Variants in CLEC17A observed in about 807,000 individuals in gnomAD.
CLEC17A encodes C-type lectin domain family 17, member A.
CLEC17A carries 37 observed loss-of-function variants against 61.3 expected under a neutral mutation model. That is an observed-to-expected ratio of 0.60 (90% confidence interval 0.46 to 0.79). The LOEUF is 0.79. Among genes scored for constraint, CLEC17A ranks in the 30% least tolerant of loss-of-function variants. CLEC17A has a pLI of 0.00. For synonymous variants in CLEC17A, 168 were observed against 164.9 expected, an observed-to-expected ratio of 1.02 and a Z score of -0.14; for missense variants, 418 against 464.7, an observed-to-expected ratio of 0.90 and a Z score of 0.92.
intron 2 of CLEC17A, among the ~76,000 whole-genome samples, chr19:14,586,418 C>T (rs2074282177): frequency 6.6e-6 from 1 of 151,960 alleles, no homozygotes; most frequent in African/African-American, 2.4e-5. Context: ...GCCACCACGC[C>T]CAGCCTCTTT....
Position 14,596,969 on chromosome 19 carries a change from C to G in CLEC17A, c.539C>G (p.Ser180Cys). 6.2e-7 allele frequency: 1 copy of G among 1,608,846 alleles called. No individual in the cohort carries two copies. Among genetic ancestry groups the G allele is most frequent in the Non-Finnish European group, 8.5e-7 (1 of 1,177,672 alleles). The part of the protein sequence containing the change: ...MVYLCLLVVT[S>C]LFLGCLGLTV... ...TACCTGTGTCTGCTGGTGGTGACTTCCCTGTTCCTGGGCTGCCTTGGTCTC... is the reference window on the plus strand; with the variant it reads ...TACCTGTGTCTGCTGGTGGTGACTTGCCTGTTCCTGGGCTGCCTTGGTCTC... Residue 180 changes from serine (S) to cysteine (C), a missense_variant, in exon 9 of 14, where the codon TCC becomes TGC. By Grantham distance (112) the Ser-to-Cys change is moderately radical (BLOSUM62 -1). Transcript: ENST00000417570.
At chr19:14,588,432 G>A (rs1414946721) in intron 3 of CLEC17A, 1 of 152,144 alleles carries the variant, frequency 6.6e-6, no homozygotes, top group Non-Finnish European at 1.5e-5. Context: ...GAGCCCAGGA[G>A]TTCTGGGCTA....
Position 14,595,357 on chromosome 19 carries a change from T to C in CLEC17A, c.445+42T>C, listed in dbSNP as rs757622062. On this transcript the variant is annotated intron_variant, in intron 8 of 13. Transcript: ENST00000417570. ...TTCCCCTCTGACAGTGGCTAGTGTA[T>C]CTGATTGAGACCTATGGCTCTACAG... is the stretch of plus-strand genomic sequence containing the variant. 4 of 1,607,678 alleles carry C rather than the reference T, an allele frequency of 2.5e-6. No individual in the cohort carries two copies. In the South Asian group the frequency reaches 3.3e-5, roughly 13 times the overall value.
chr19:14,587,582 G>C, intron 2 of CLEC17A, 32 bp from the exon 3 acceptor site: 2 of 1,552,198 alleles, frequency 1.3e-6, no homozygotes, highest in Non-Finnish European at 1.7e-6. Context: ...AGGAGGGAAT[G>C]GCTGGGCTCT....
intron 12 of CLEC17A, among the ~76,000 whole-genome samples, chr19:14,605,960 G>A (rs1247464693): frequency 6.6e-6 from 1 of 151,980 alleles, no homozygotes; most frequent in Non-Finnish European, 1.5e-5. Flanking sequence ...GACTAATCTC[G>A]AACTCCTAGT....
rs1296558958 is a variant in CLEC17A, at chr19:14,595,434, C to T, written c.445+119C>T. The T allele has an allele frequency of 6.5e-6, 7 of 1,078,082 alleles. No homozygotes were observed. The African/African-American group carries it at 7.8e-5, about 12-fold the overall frequency. 66.8% of individuals were successfully genotyped at this position (1,078,082 alleles called of 1,614,324 possible). A position where few individuals can be genotyped will look rare whatever the true frequency, so the allele number is the denominator to read the frequency against. On this transcript the variant is annotated intron_variant, in intron 8 of 13. Coordinates refer to ENST00000417570, the MANE Select transcript of CLEC17A (RefSeq NM_001204118.2). ...CCTTTAAGAAGCTGCTCCTTCAGGA[C>T]CTGCTGCACTGTTCTGAGTTAGTCT...
chr19:14,592,786 TC>T (rs1417302125), intron 4 of CLEC17A, among the ~76,000 whole-genome samples: 1 of 152,096 alleles, frequency 6.6e-6, no homozygotes, highest in African/African-American at 2.4e-5. Context: ...TGCCTCAGCC[TC>T]CCGATTAGCT....
chr19:14,602,577 G>A (rs948130469), intron 12 of CLEC17A, among the ~76,000 whole-genome samples: 28 of 151,984 alleles, frequency 1.8e-4, no homozygotes, highest in Non-Finnish European at 5.9e-5. Context: ...ACAGGCATGA[G>A]CCACTGTACC....
intron 12 of CLEC17A, among the ~76,000 whole-genome samples, chr19:14,600,836 G>A (rs548599136): frequency 2.7e-5 from 4 of 146,766 alleles, no homozygotes; most frequent in Admixed American, 7.0e-5. Context: ...TGATCTGCCC[G>A]CCTCGGCCTC....
At chr19:14,589,567 G>T (rs2074365803) in intron 3 of CLEC17A, among the ~76,000 whole-genome samples, 4 of 98,130 alleles carry the variant, frequency 4.1e-5, no homozygotes, top group Middle Eastern at 8.3e-3. Context: ...AGTAGCTGGG[G>T]TTACAGGCAT....
chr19:14,585,675 A>T (rs1279803254), intron 2 of CLEC17A, among the ~76,000 whole-genome samples: 1 of 147,076 alleles, frequency 6.8e-6, no homozygotes, highest in Admixed American at 6.9e-5. Flanking sequence ...ACCAACAGCC[A>T]TGTGAGTGCA....
In CLEC17A at chr19:14,599,804, G is replaced by A. The variant is rs2074658842; in HGVS notation, c.734G>A (p.Gly245Asp). The A allele has an allele frequency of 1.2e-6, 2 of 1,613,098 alleles. No homozygotes were observed. Among genetic ancestry groups the A allele is most frequent in the South Asian group, 2.2e-5 (2 of 90,972 alleles). The change falls in exon 11 of 14, where the codon GGC becomes GAC. Residue 245 changes from glycine (G) to aspartate (D), a missense_variant. Transcript: ENST00000417570. ...DTNQSLVELW[G>D]LLDCRRITCP... ...AACCAGTCCCTGGTGGAACTTTGGGGCTTATTAGGTAAGTGAGACTTGGGG... is the reference window on the plus strand; with the variant it reads ...AACCAGTCCCTGGTGGAACTTTGGGACTTATTAGGTAAGTGAGACTTGGGG...
At chr19:14,586,379 C>T (rs561522742) in intron 2 of CLEC17A, among the ~76,000 whole-genome samples, 119 of 152,198 alleles carry the variant, frequency 7.8e-4, no homozygotes, top group Admixed American at 2.7e-3. Context: ...CTGCCTTGGC[C>T]TCCCAAAGTG....
chr19:14,590,913 G>T (rs1215949726), intron 3 of CLEC17A, among the ~76,000 whole-genome samples: 2 of 150,776 alleles, frequency 1.3e-5, no homozygotes, highest in East Asian at 3.9e-4. Flanking sequence ...GCCCAGGCTG[G>T]TCTTGAACTC....
rs371926844 is a variant in CLEC17A, at chr19:14,587,090, C to T, written c.122-524C>T. Among the ~76,000 whole-genome samples, 233 of 151,128 alleles carry T rather than the reference C, an allele frequency of 1.5e-3. 5 individuals are homozygous for T. In the South Asian group the frequency reaches 0.044, roughly 28 times the overall value. On this transcript the variant is annotated intron_variant, in intron 2 of 13. Transcript: ENST00000417570. ...TTTTGGTAGAGACGGGGTTTCACCACGTTGGTTGCCCAGGCTGATCTCGAA... is the reference window on the plus strand; with the variant it reads ...TTTTGGTAGAGACGGGGTTTCACCATGTTGGTTGCCCAGGCTGATCTCGAA...
Position 14,587,702 on chromosome 19 carries a change from T to G in CLEC17A, c.199+11T>G. 6.2e-7 allele frequency: 1 copy of G among 1,609,044 alleles called. No individual in the cohort carries two copies. Among genetic ancestry groups the G allele is most frequent in the Non-Finnish European group, 8.5e-7 (1 of 1,177,692 alleles). ...TTCCTCCCAAGCCAGGTAAGAGGAC[T>G]TTTTGGAGTGTGACCTGGGGGAATA... is the stretch of plus-strand genomic sequence containing the variant. On this transcript the variant is annotated intron_variant, in intron 3 of 13. Coordinates refer to ENST00000417570, the MANE Select transcript of CLEC17A (RefSeq NM_001204118.2).
At chr19:14,603,770 A>G (rs1315490752) in intron 12 of CLEC17A, among the ~76,000 whole-genome samples, 7 of 152,036 alleles carry the variant, frequency 4.6e-5, no homozygotes, top group Admixed American at 1.3e-4. Flanking sequence ...CCTAACCCAT[A>G]GCTCACTTCT....
chr19:14,608,550 C>T (rs577926001), intron 13 of CLEC17A, among the ~76,000 whole-genome samples: 25 of 151,372 alleles, frequency 1.7e-4, no homozygotes, highest in East Asian at 1.2e-3. Flanking sequence ...TCAGTCTTTT[C>T]GTAAAACTGC....
chr19:14,583,194 G>C lies in CLEC17A; in HGVS notation c.34G>C (p.Asp12His), dbSNP rs975391458. 1 of 1,613,814 alleles carries C rather than the reference G, an allele frequency of 6.2e-7. No homozygotes were observed. Among genetic ancestry groups the C allele is most frequent in the Non-Finnish European group, 8.5e-7 (1 of 1,179,902 alleles). Reference sequence around the variant, plus strand: ...TCTGTATTCCATCACTGGGTACCCGGACCCACCAGGTAAGGCCCCGGCCAG... The same window carrying C: ...TCTGTATTCCATCACTGGGTACCCGCACCCACCAGGTAAGGCCCCGGCCAG... ...HNLYSITGYP[D>H]PPGTMEEEEE... Residue 12 changes from aspartate (D) to histidine (H), a missense_variant, in exon 1 of 14, where the codon GAC becomes CAC. Physicochemically the swap from Asp to His is moderately conservative, Grantham distance 81. Transcript: ENST00000417570.
Sources: gnomAD v4.1 joint callset for allele counts (sites outside exome capture counted in the v4.1 genomes callset) on GRCh38, gnomAD v4.1.1 for gene constraint, MANE v1.5 for transcripts, NCBI Gene and HGNC (gene_info 2026-07-23, HGNC 2026-07-21) for gene names.